CCDC146: variants seen among roughly 807,000 people sequenced by gnomAD.
CCDC146 encodes the protein coiled-coil domain containing 146.
CCDC146 carries 92 observed loss-of-function variants against 119.3 expected under a neutral mutation model. The ratio of observed to expected loss-of-function variants is 0.77; its 90% CI spans 0.65 to 0.92. The LOEUF is 0.92. Ranked by LOEUF, CCDC146 falls within the 40% of genes least tolerant of loss-of-function variation. The pLI is 0.00. For missense variants in CCDC146, 1,000 were observed against 1,103.0 expected (o/e 0.91, Z 1.32); for synonymous variants, 372 against 371.8 (o/e 1.00, Z -0.01).
At chr7:77,176,348 G>C (rs1239801850) in intron 2 of CCDC146, among the ~76,000 whole-genome samples, 1 of 150,982 alleles carries the variant, frequency 6.6e-6, no homozygotes, top group Non-Finnish European at 1.5e-5. Flanking sequence ...TTGGCAATGA[G>C]GAAAAAAGGA....
chr7:77,180,234 C>G (rs945811839), intron 2 of CCDC146, among the ~76,000 whole-genome samples: 3 of 149,030 alleles, frequency 2.0e-5, no homozygotes, highest in Non-Finnish European at 4.4e-5. Flanking sequence ...CATATATATG[C>G]ACCCATATGT....
intron 2 of CCDC146, among the ~76,000 whole-genome samples, chr7:77,185,261 C>T (rs17155122): frequency 0.11 from 16,973 of 152,078 alleles, 1,226 homozygotes; most frequent in Non-Finnish European, 0.17. Context: ...ACAAGAATCT[C>T]TGAACAAAAA....
intron 1 of CCDC146, among the ~76,000 whole-genome samples, chr7:77,156,996 A>G (rs1419072253): frequency 1.4e-5 from 2 of 142,258 alleles, no homozygotes; most frequent in Admixed American, 7.1e-5. Flanking sequence ...TGAAGTTTCT[A>G]TGTTTTTTAA....
intron 9 of CCDC146, among the ~76,000 whole-genome samples, chr7:77,269,204 A>G (rs1793463302): frequency 6.6e-6 from 1 of 151,594 alleles, no homozygotes; most frequent in Non-Finnish European, 1.5e-5. Context: ...AATTTCCTCA[A>G]GTTTTCCTTT....
At position 77,286,890 on chromosome 7, in the gene CCDC146, T is replaced by C; in HGVS notation, c.2241T>C (p.Asp747=). 1 of 1,614,150 alleles carries C rather than the reference T, an allele frequency of 6.2e-7. No individual in the cohort carries two copies. Among genetic ancestry groups the C allele is most frequent in the Non-Finnish European group, 8.5e-7 (1 of 1,179,992 alleles). Residue 747 remains aspartate (D), a synonymous_variant, in exon 16 of 19, where the codon GAT becomes GAC. Coordinates refer to ENST00000285871, the MANE Select transcript of CCDC146 (RefSeq NM_020879.3). ...GAGCTCGCTTCCTTCCAGGGAAAGATCTGACCGAAAAAGAAATGATCCAAA... is the reference window on the plus strand; with the variant it reads ...GAGCTCGCTTCCTTCCAGGGAAAGACCTGACCGAAAAAGAAATGATCCAAA... The part of the protein sequence containing the change: ...ENRARFLPGK[D]LTEKEMIQKL...
chr7:77,198,239 C>T, intron 2 of CCDC146: 6 of 985,300 alleles, frequency 6.1e-6, no homozygotes, highest in Non-Finnish European at 7.2e-6. Flanking sequence ...TGGCAGATGC[C>T]CTGGGGATGG....
intron 1 of CCDC146, among the ~76,000 whole-genome samples, chr7:77,165,093 T>C (rs1451474856): frequency 6.6e-6 from 1 of 152,218 alleles, no homozygotes; most frequent in Non-Finnish European, 1.5e-5. Context: ...ACCTGCTCTC[T>C]CTCCAGAAGG....
At chr7:77,190,646 A>G (rs1791746850) in intron 2 of CCDC146, among the ~76,000 whole-genome samples, 1 of 152,222 alleles carries the variant, frequency 6.6e-6, no homozygotes, top group African/African-American at 2.4e-5. Context: ...GGGACACTCC[A>G]TGTTTTCAAA....
chr7:77,270,876 G>A (rs866123433), intron 9 of CCDC146, among the ~76,000 whole-genome samples: 1 of 152,094 alleles, frequency 6.6e-6, no homozygotes, highest in Non-Finnish European at 1.5e-5. Flanking sequence ...GAAGGGCAAC[G>A]AGCAAAAGAC....
intron 2 of CCDC146, among the ~76,000 whole-genome samples, chr7:77,236,079 A>AAATAAATAAATAAAT (rs1317850613): frequency 6.6e-6 from 1 of 151,896 alleles, no homozygotes; most frequent in East Asian, 1.9e-4. Context: ...ATAAATAAAT[A>AAATAAATAAATAAAT]AATAAATAAA....
At position 77,196,396 on chromosome 7, in the gene CCDC146, G is replaced by T. The variant is rs1395576142; in HGVS notation, c.156+28572G>T. 6.2e-7 allele frequency: 1 copy of T among 1,614,088 alleles called. No individual in the cohort carries two copies. The highest frequency in any genetic ancestry group is 1.3e-5 in the African/African-American group (1 of 75,018). On this transcript the variant is annotated intron_variant, in intron 2 of 18. Coordinates refer to ENST00000285871, the MANE Select transcript of CCDC146 (RefSeq NM_020879.3). This position sits in a 1 kb window ranked among gnomAD's most constrained non-coding sequence, Gnocchi z 4.2. The stretch of plus-strand genomic sequence containing the variant: ...AGGTACCCCAGAAAATCCCATTACG[G>T]ACACCTCTGTATTTTTGGTGATAAT...
chr7:77,199,319 C>T (rs1402782011), intron 2 of CCDC146: 2 of 1,614,136 alleles, frequency 1.2e-6, no homozygotes, highest in East Asian at 2.2e-5. Flanking sequence ...TTCAGCTTCT[C>T]CAGGCGACCA....
At chr7:77,222,204 T>A (rs1423387774) in intron 2 of CCDC146, among the ~76,000 whole-genome samples, 1 of 152,210 alleles carries the variant, frequency 6.6e-6, no homozygotes, top group Non-Finnish European at 1.5e-5. Context: ...GAAGTTCAAG[T>A]TGCAATTTTG....
chr7:77,173,388 G>A (rs1181179443), intron 2 of CCDC146, among the ~76,000 whole-genome samples: 1 of 152,078 alleles, frequency 6.6e-6, no homozygotes, highest in Non-Finnish European at 1.5e-5. Context: ...CAGCATTTTG[G>A]GAGACTGAGG....
chr7:77,292,301 A>ATT lies in CCDC146; in HGVS notation c.2416-633_2416-632dup, dbSNP rs35258178. 7.5e-5 allele frequency among the ~76,000 whole-genome samples: 10 copies of ATT among 132,660 alleles called. No individual in the cohort carries two copies. In the South Asian group the frequency reaches 2.0e-3, roughly 26 times the overall value. The allele number at this position is 132,660 out of a possible 152,430, so 87.0% of individuals were successfully genotyped here. On this transcript the variant is annotated intron_variant, in intron 17 of 18. Transcript: ENST00000285871. ...AGAACAAGACCTTGTCTTTATTTTAATTTTTTTTTTTTTTTTTTTAAAGAA... is the reference window on the plus strand; with the variant it reads ...AGAACAAGACCTTGTCTTTATTTTAATTTTTTTTTTTTTTTTTTTTTAAAGAA...
intron 3 of CCDC146, among the ~76,000 whole-genome samples, chr7:77,238,134 C>G (rs564110310): frequency 6.6e-6 from 1 of 152,152 alleles, no homozygotes; most frequent in South Asian, 2.1e-4. Flanking sequence ...TCCTCACACC[C>G]CTCCAAAGCC....
At chr7:77,250,021 T>C (rs1317572202) in intron 4 of CCDC146, among the ~76,000 whole-genome samples, 1 of 152,206 alleles carries the variant, frequency 6.6e-6, no homozygotes, top group East Asian at 1.9e-4. Flanking sequence ...CAATATACAT[T>C]TACAACTAAT....
At chr7:77,287,709 C>T (rs571085735) in intron 17 of CCDC146, 132 bp downstream of exon 17, 39 of 899,692 alleles carry the variant, frequency 4.3e-5, no homozygotes, top group Middle Eastern at 3.7e-4. Flanking sequence ...CTTAGAAAAA[C>T]GAAAGGATGA....
intron 2 of CCDC146, among the ~76,000 whole-genome samples, chr7:77,192,449 C>T (rs1302438439): frequency 2.6e-5 from 4 of 152,026 alleles, no homozygotes; most frequent in African/African-American, 9.7e-5. Flanking sequence ...AAGACAAAAC[C>T]CAGTGAGGAA....
Sources: gnomAD v4.1 joint callset for allele counts (sites outside exome capture counted in the v4.1 genomes callset) on GRCh38, gnomAD v4.1.1 for gene constraint, Gnocchi (gnomAD v3.1) non-coding constraint, MANE v1.5 for transcripts, NCBI Gene and HGNC (gene_info 2026-07-23, HGNC 2026-07-21) for gene names.